FAM53A: variants seen among roughly 807,000 people sequenced by gnomAD.
The protein encoded by FAM53A is family with sequence similarity 53 member A.
Under a neutral mutation model 26.6 loss-of-function variants are expected in FAM53A, and 28 were observed. The ratio of observed to expected loss-of-function variants is 1.05; its 90% CI spans 0.78 to 1.45. The LOEUF is 1.45. Ranked by LOEUF, FAM53A falls within the 40% of genes most tolerant of loss-of-function variation. FAM53A has a pLI of 0.00. For synonymous variants in FAM53A, 290 were observed against 253.1 expected, an observed-to-expected ratio of 1.15 and a Z score of -1.38; for missense variants, 650 against 575.8, an observed-to-expected ratio of 1.13 and a Z score of -1.32.
At chr4:1,675,127 C>T (rs144692030) in intron 1 of FAM53A, among the ~76,000 whole-genome samples, 61 of 152,232 alleles carry the variant, frequency 4.0e-4, no homozygotes, top group East Asian at 7.7e-4. Context: ...AAGAGGGTCC[C>T]GGAAAAGGAG....
chr4:1,648,087 T>C (rs1218124137), intron 4 of FAM53A, among the ~76,000 whole-genome samples: 3 of 152,158 alleles, frequency 2.0e-5, no homozygotes, highest in African/African-American at 7.2e-5. Flanking sequence ...TGTGCACCTG[T>C]GGTCCCAGCT....
At chr4:1,666,877 C>T (rs547823948) in intron 2 of FAM53A, among the ~76,000 whole-genome samples, 1 of 152,122 alleles carries the variant, frequency 6.6e-6, no homozygotes, top group Admixed American at 6.5e-5. Context: ...CGCCTGTAAT[C>T]CCAGGACTTT....
the FAM53A span, among the ~76,000 whole-genome samples, chr4:1,584,231 C>A: frequency 6.6e-6 from 1 of 152,116 alleles, no homozygotes; most frequent in Non-Finnish European, 1.5e-5. Context: ...CTTTTGGAGT[C>A]TTGCTTAAGA....
chr4:1,676,138 G>T (rs1272489955), intron 1 of FAM53A, among the ~76,000 whole-genome samples: 1 of 152,216 alleles, frequency 6.6e-6, no homozygotes, highest in African/African-American at 2.4e-5. Context: ...TCACAAAGTG[G>T]TGGCTTAGGA....
chr4:1,666,867 C>T (rs761455626), intron 2 of FAM53A, among the ~76,000 whole-genome samples: 1 of 151,936 alleles, frequency 6.6e-6, no homozygotes, highest in African/African-American at 2.4e-5. Flanking sequence ...TGGTGGCTCA[C>T]GCCTGTAATC....
At position 1,641,621 on chromosome 4, in the gene FAM53A, G is replaced by A; in HGVS notation, c.883-14C>T. On this transcript the variant is annotated splice_polypyrimidine_tract_variant and intron_variant, in intron 4 of 4. Coordinates refer to ENST00000308132, the MANE Select transcript of FAM53A (RefSeq NM_001174070.3). ...ATTTTTTAAAGTCTGCAATAGAAAA[G>A]ATACGGGCTTAAAGCATTTCTAGCA... is the stretch of plus-strand genomic sequence containing the variant. 1 of 1,613,684 alleles carries A rather than the reference G, an allele frequency of 6.2e-7. No homozygotes were observed. The highest frequency in any genetic ancestry group is 8.5e-7 in the Non-Finnish European group (1 of 1,179,772).
chr4:1,618,747 C>T (rs1423411331), intron 1 of FAM53A, among the ~76,000 whole-genome samples: 1 of 152,196 alleles, frequency 6.6e-6, no homozygotes, highest in East Asian at 1.9e-4. Context: ...GACCCAGCCA[C>T]AGAACCAGCC....
At chr4:1,680,797 C>G (rs116440054) in intron 1 of FAM53A, among the ~76,000 whole-genome samples, 1 of 147,772 alleles carries the variant, frequency 6.8e-6, no homozygotes, top group Non-Finnish European at 1.5e-5. Context: ...AAAAAACAAA[C>G]AAAAAAAAAA....
At chr4:1,589,642 G>A in the FAM53A span, among the ~76,000 whole-genome samples, 2 of 151,996 alleles carry the variant, frequency 1.3e-5, no homozygotes, top group African/African-American at 2.4e-5. Flanking sequence ...TGTTTACTGT[G>A]GTGTCAATTT....
intron 1 of FAM53A, among the ~76,000 whole-genome samples, chr4:1,626,300 G>C (rs1370876234): frequency 6.6e-6 from 1 of 152,326 alleles, no homozygotes; most frequent in East Asian, 1.9e-4. Context: ...TGGCCGTCAC[G>C]AGCCGTCCAC....
Position 1,623,537 on chromosome 4 carries a change from G to A in FAM53A, c.432-5426C>T, listed in dbSNP as rs140090326. On this transcript the variant is annotated intron_variant, in intron 1 of 1. Transcript: ENST00000489029. ...TTGGTCACCCGCTGCAGGGCTGCCC[G>A]CCTTCCCCGGCGGCCTGGCCGGCCC... 2.0e-3 allele frequency among the ~76,000 whole-genome samples: 298 copies of A among 152,328 alleles called. 2 individuals are homozygous for A. The highest frequency in any genetic ancestry group is 0.014 in the East Asian group (72 of 5,176).
At chr4:1,658,502 C>T (rs1350100760) in intron 2 of FAM53A, among the ~76,000 whole-genome samples, 3 of 152,248 alleles carry the variant, frequency 2.0e-5, no homozygotes, top group Non-Finnish European at 2.9e-5. Flanking sequence ...AGCTCAGACA[C>T]GGGACCTGAG....
At chr4:1,673,985 T>TA (rs1284485968) in intron 1 of FAM53A, among the ~76,000 whole-genome samples, 2 of 152,210 alleles carry the variant, frequency 1.3e-5, no homozygotes, top group Non-Finnish European at 2.9e-5. Flanking sequence ...AGGAAGGCGT[T>TA]AGTCAGGTCA....
chr4:1,601,277 C>T, the FAM53A span, among the ~76,000 whole-genome samples: 1 of 45,582 alleles, frequency 2.2e-5, no homozygotes, highest in African/African-American at 5.4e-5. Flanking sequence ...CCTGCACTTT[C>T]CTGGGCACTG....
intron 1 of FAM53A, among the ~76,000 whole-genome samples, chr4:1,623,267 C>T (rs1002174980): frequency 6.6e-6 from 1 of 152,336 alleles, no homozygotes; most frequent in South Asian, 2.1e-4. Flanking sequence ...GCTCCCCCGA[C>T]GTGAAAGGCA....
At chr4:1,580,540 C>G in the FAM53A span, among the ~76,000 whole-genome samples, 3 of 146,494 alleles carry the variant, frequency 2.0e-5, no homozygotes, top group Non-Finnish European at 3.0e-5. Flanking sequence ...CCCGCCTCCA[C>G]TCAGGGAGCC....
intron 2 of FAM53A, among the ~76,000 whole-genome samples, chr4:1,660,854 C>T (rs1713779226): frequency 6.6e-6 from 1 of 151,690 alleles, no homozygotes; most frequent in Non-Finnish European, 1.5e-5. Flanking sequence ...GCACTCCAGC[C>T]TGGGTGACAG....
At chr4:1,598,364 AG>A in the FAM53A span, among the ~76,000 whole-genome samples, 2 of 152,188 alleles carry the variant, frequency 1.3e-5, no homozygotes, top group Admixed American at 6.5e-5. Context: ...CTTGGCCCGG[AG>A]GGGCACGGAC....
intron 1 of FAM53A, among the ~76,000 whole-genome samples, chr4:1,622,408 G>A (rs1715082178): frequency 6.6e-6 from 1 of 152,230 alleles, no homozygotes. Flanking sequence ...CTCCTTTGTG[G>A]CCCCTCAGGC....
Sources: gnomAD v4.1 joint callset for allele counts (sites outside exome capture counted in the v4.1 genomes callset) on GRCh38, gnomAD v4.1.1 for gene constraint, MANE v1.5 for transcripts, NCBI Gene and HGNC (gene_info 2026-07-23, HGNC 2026-07-21) for gene names.